The following CXADR variants were observed in gnomAD, a reference collection of about 807,000 sequenced individuals.
The protein encoded by CXADR is CXADR cell adhesion molecule.
CXADR carries 20 observed loss-of-function variants against 40.3 expected under a neutral mutation model. The ratio of observed to expected loss-of-function variants is 0.50; its 90% CI spans 0.35 to 0.72. The LOEUF is 0.72. Ranked by LOEUF, CXADR falls within the 30% of genes least tolerant of loss-of-function variation. The pLI is 0.01. For missense variants in CXADR, 332 were observed against 449.1 expected (o/e 0.74, Z 2.36); for synonymous variants, 150 against 161.3 (o/e 0.93, Z 0.53).
Position 17,568,832 on chromosome 21 carries a change from T to G in CXADR, c.*3140T>G. Reference sequence around the variant, plus strand: ...TACTATTCATGACAGTAACCAATTATTCTGGACAAATTGCTTCTTTTTAAT... The same window carrying G: ...TACTATTCATGACAGTAACCAATTAGTCTGGACAAATTGCTTCTTTTTAAT... On this transcript the variant is annotated 3_prime_UTR_variant, in exon 7 of 7. Coordinates refer to ENST00000284878, the MANE Select transcript of CXADR (RefSeq NM_001338.5). 15 of 985,338 alleles carry G rather than the reference T, an allele frequency of 1.5e-5. No individual in the cohort carries two copies. Among genetic ancestry groups the G allele is most frequent in the Non-Finnish European group, 1.8e-5 (15 of 829,908 alleles). 61.0% of individuals were successfully genotyped at this position (985,338 alleles called of 1,614,324 possible). A position where few individuals can be genotyped will look rare whatever the true frequency, so the allele number is the denominator to read the frequency against.
intron 1 of CXADR, among the ~76,000 whole-genome samples, chr21:17,514,416 G>A (rs1249620313): frequency 1.3e-5 from 2 of 152,018 alleles, no homozygotes; most frequent in Non-Finnish European, 2.9e-5. Flanking sequence ...TAGACTTGGC[G>A]GGCTGAAATG....
chr21:17,559,674 T>TTTTG (rs2061085890), intron 4 of CXADR, among the ~76,000 whole-genome samples: 1 of 143,858 alleles, frequency 7.0e-6, no homozygotes. Context: ...TTTGGGTTTT[T>TTTTG]TTTTTTTTTT....
At chr21:17,627,047 G>A in the CXADR span, 2 of 152,214 alleles carry the variant, frequency 1.3e-5, no homozygotes, top group Non-Finnish European at 2.9e-5. Context: ...CTACAAGCAA[G>A]GGGTAAGGCA....
intron 1 of CXADR, chr21:17,518,484 A>T (rs529402655): frequency 1.3e-6 from 1 of 783,508 alleles, no homozygotes; most frequent in African/African-American, 1.7e-5. Context: ...CACATAGCTG[A>T]TTTGTTCAAT....
the CXADR span, chr21:17,613,821 G>T: frequency 9.2e-5 from 14 of 152,164 alleles, no homozygotes; most frequent in Non-Finnish European, 1.0e-4. Flanking sequence ...CATCCAACTA[G>T]CGGGAGGAAT....
At chr21:17,515,830 G>T (rs2060455247) in intron 1 of CXADR, among the ~76,000 whole-genome samples, 1 of 152,080 alleles carries the variant, frequency 6.6e-6, no homozygotes, top group South Asian at 2.1e-4. Flanking sequence ...AAAAAAAAAG[G>T]CATTGTTATT....
chr21:17,518,346 C>A (rs1326870872), intron 1 of CXADR, among the ~76,000 whole-genome samples: 1 of 152,080 alleles, frequency 6.6e-6, no homozygotes, highest in African/African-American at 2.4e-5. Context: ...AAAAAAATAT[C>A]CTGAGAGGAA....
intron 7 of CXADR, among the ~76,000 whole-genome samples, chr21:17,585,089 A>G (rs1207577672): frequency 6.6e-6 from 1 of 152,186 alleles, no homozygotes; most frequent in Non-Finnish European, 1.5e-5. Flanking sequence ...TAACTCTGAA[A>G]AATGTATTGT....
At chr21:17,604,413 C>T in the CXADR span, 1 of 182,482 alleles carries the variant, frequency 5.5e-6, no homozygotes, top group Non-Finnish European at 1.2e-5. Context: ...CCATTGCGCT[C>T]CAGCCTGGGC....
chr21:17,592,496 AT>A (rs1391825846), intron 7 of CXADR, among the ~76,000 whole-genome samples: 1 of 151,908 alleles, frequency 6.6e-6, no homozygotes, highest in Non-Finnish European at 1.5e-5. Context: ...CAATAAATAA[AT>A]TCTGTCTGCT....
At chr21:17,623,451 G>A in the CXADR span, among the ~76,000 whole-genome samples, 2 of 151,932 alleles carry the variant, frequency 1.3e-5, no homozygotes, top group African/African-American at 2.4e-5. Flanking sequence ...AGAGACTTTC[G>A]AAAACAATTA....
At chr21:17,632,219 C>G in the CXADR span, among the ~76,000 whole-genome samples, 1 of 152,144 alleles carries the variant, frequency 6.6e-6, no homozygotes, top group Non-Finnish European at 1.5e-5. Flanking sequence ...GTGAGAGATT[C>G]AGAGTGGACC....
At position 17,584,553 on chromosome 21, in the gene CXADR, C is replaced by G. The variant is rs184079089; in HGVS notation, c.1018-8599C>G. ...GTTTTAAAAAGTCCTGCCCCTAGGC[C>G]GGGCGTGATGGCTCACGTCTGTAGT... On this transcript the variant is annotated intron_variant, in intron 7 of 7. Transcript: ENST00000400169. 2.9e-3 allele frequency among the ~76,000 whole-genome samples: 435 copies of G among 152,304 alleles called. 3 individuals carry two copies. Among genetic ancestry groups the G allele is most frequent in the African/African-American group, 9.9e-3 (412 of 41,562 alleles).
intron 1 of CXADR, among the ~76,000 whole-genome samples, chr21:17,538,627 G>A (rs2060790108): frequency 1.3e-5 from 2 of 151,912 alleles, no homozygotes; most frequent in South Asian, 2.1e-4. Context: ...GCAACATAAC[G>A]AGACTGCAAC....
chr21:17,572,326 C>CG (rs1274141645), downstream of CXADR, among the ~76,000 whole-genome samples: 3 of 151,066 alleles, frequency 2.0e-5, no homozygotes, highest in Non-Finnish European at 2.9e-5. Flanking sequence ...GCCGAGATCG[C>CG]GCCACTGCAC....
intron 1 of CXADR, chr21:17,541,905 A>G (rs1162566116): frequency 8.3e-6 from 2 of 239,718 alleles, no homozygotes; most frequent in Non-Finnish European, 1.7e-5. Flanking sequence ...TAAAGTTACT[A>G]CTTTTTCCTC....
In CXADR at chr21:17,568,462, C is replaced by G. The variant is rs1181758698; in HGVS notation, c.*2770C>G. ...ATCTTAACAGCAAAGCCATTTTATTCTACTTTATAACTGAGAGACTTGATA... is the reference window on the plus strand; with the variant it reads ...ATCTTAACAGCAAAGCCATTTTATTGTACTTTATAACTGAGAGACTTGATA... On this transcript the variant is annotated 3_prime_UTR_variant, in exon 7 of 7. Transcript: ENST00000284878. 1 of 982,880 alleles carries G rather than the reference C, an allele frequency of 1.0e-6. No homozygotes were observed. The highest frequency in any genetic ancestry group is 1.2e-6 in the Non-Finnish European group (1 of 829,536). The allele number at this position is 982,880 out of a possible 1,614,324, so 60.9% of individuals were successfully genotyped here. A position where few individuals can be genotyped will look rare whatever the true frequency, so the allele number is the denominator to read the frequency against.
At chr21:17,532,542 T>TA (rs1296992833) in intron 1 of CXADR, among the ~76,000 whole-genome samples, 1 of 152,208 alleles carries the variant, frequency 6.6e-6, no homozygotes, top group East Asian at 1.9e-4. Context: ...TGATTTGGCC[T>TA]AGGACACCGA....
rs1381863429 is a variant in CXADR at position 17,568,593 on chromosome 21, A to G, written c.*2901A>G. On this transcript the variant is annotated 3_prime_UTR_variant, in exon 7 of 7. Coordinates refer to ENST00000284878, the MANE Select transcript of CXADR (RefSeq NM_001338.5). ...TTTTTTTAAGAGATAGGGTTTCACT[A>G]TTGCTCAGGCTGGTCTCAAACTGCT... 9 of 962,770 alleles carry G rather than the reference A, an allele frequency of 9.3e-6. No individual in the cohort carries two copies. In the African/African-American group the frequency reaches 1.2e-4, roughly 13 times the overall value. The allele number at this position is 962,770 out of a possible 1,614,324, so 59.6% of individuals were successfully genotyped here.
Sources: gnomAD v4.1 joint callset for allele counts (sites outside exome capture counted in the v4.1 genomes callset) on GRCh38, gnomAD v4.1.1 for gene constraint, MANE v1.5 for transcripts, NCBI Gene and HGNC (gene_info 2026-07-23, HGNC 2026-07-21) for gene names.